The following ARID1B variants were observed in gnomAD, a reference collection of about 807,000 sequenced individuals.
ARID1B encodes the protein AT-rich interactive domain-containing protein 1B.
In ARID1B, 30 loss-of-function variants were observed where a neutral mutation model predicts 212.3. The ratio of observed to expected loss-of-function variants is 0.14; its 90% CI spans 0.11 to 0.19. The LOEUF is 0.19. Ranked by LOEUF, ARID1B falls within the 10% of genes least tolerant of loss-of-function variation. The pLI, the probability that ARID1B is intolerant of heterozygous loss-of-function variation, is 1.00. For missense variants in ARID1B, 2,891 were observed against 3,204.0 expected (o/e 0.90, Z 2.36); for synonymous variants, 1,402 against 1,301.7 (o/e 1.08, Z -1.66).
intron 2 of ARID1B, among the ~76,000 whole-genome samples, chr6:156,901,120 T>G (rs991637449): frequency 5.9e-5 from 9 of 152,182 alleles, no homozygotes; most frequent in African/African-American, 2.2e-4. Flanking sequence ...CCTCTCCACC[T>G]TTATGATATT....
At chr6:157,142,124 C>T (rs1789403448) in intron 7 of ARID1B, among the ~76,000 whole-genome samples, 1 of 152,190 alleles carries the variant, frequency 6.6e-6, no homozygotes, top group Non-Finnish European at 1.5e-5. Context: ...AAAGCCTATA[C>T]TGTGTGACTC....
At chr6:157,152,034 A>G (rs933965848) in intron 8 of ARID1B, 1 of 152,238 alleles carries the variant, frequency 6.6e-6, no homozygotes, top group African/African-American at 2.4e-5. Flanking sequence ...AAACATGGTT[A>G]TTCTTGGGAA....
At chr6:157,020,953 T>C (rs6917637) in intron 4 of ARID1B, among the ~76,000 whole-genome samples, 92,156 of 152,030 alleles carry the variant, frequency 0.61, 29,125 homozygotes, top group African/African-American at 0.79. Flanking sequence ...CTTTGCAGAA[T>C]TCGATAAAGA....
At chr6:156,824,951 GC>G (rs980452315) in intron 1 of ARID1B, among the ~76,000 whole-genome samples, 4 of 151,474 alleles carry the variant, frequency 2.6e-5, no homozygotes, top group Admixed American at 6.6e-5. Flanking sequence ...TGCAACCTCT[GC>G]CTCACAGGTT....
intron 2 of ARID1B, among the ~76,000 whole-genome samples, chr6:156,850,686 A>G (rs1784527379): frequency 6.6e-6 from 1 of 152,196 alleles, no homozygotes; most frequent in African/African-American, 2.4e-5. Flanking sequence ...ATTCTTTCAG[A>G]ATTTCTTCTG....
chr6:157,153,692 C>T (rs111607243), intron 8 of ARID1B, among the ~76,000 whole-genome samples: 2 of 152,208 alleles, frequency 1.3e-5, no homozygotes, highest in Non-Finnish European at 1.5e-5. Flanking sequence ...AGGCTAAACA[C>T]AGGCTTTAAT....
intron 4 of ARID1B, among the ~76,000 whole-genome samples, chr6:157,049,678 A>G (rs901973482): frequency 1.3e-5 from 2 of 152,180 alleles, no homozygotes; most frequent in African/African-American, 2.4e-5. Flanking sequence ...AAATGAATAC[A>G]TATTATTTAT....
Position 157,208,159 on chromosome 6 carries a change from A to G in ARID1B, c.*268A>G. On this transcript the variant is annotated 3_prime_UTR_variant, in exon 20 of 20. Transcript: ENST00000636930. The stretch of plus-strand genomic sequence containing the variant: ...CAAAGTTGCTGTCTAGTGCATTCAA[A>G]GGTCACTTTTTGTTCTTCACAGATC... 9.1e-6 allele frequency: 3 copies of G among 328,000 alleles called. No homozygotes were observed. Among genetic ancestry groups the G allele is most frequent in the Non-Finnish European group, 1.6e-5 (3 of 183,410 alleles). 20.3% of individuals were successfully genotyped at this position (328,000 alleles called of 1,614,324 possible).
rs763236835 is a variant in ARID1B at position 157,167,166 on chromosome 6, C to T, written c.3216C>T (p.Ala1072=). The change falls in exon 9 of 20, where the codon GCC becomes GCT. Residue 1072 remains alanine (A), a synonymous_variant. Transcript: ENST00000636930. The part of the protein sequence containing the change: ...TQAPPYSMAP[A]MVNSSAASVG... ...CGCCGCCCTACAGCATGGCGCCCGC[C>T]ATGGTGAACAGCTCGGCAGGTAACC... The T allele has an allele frequency of 6.2e-7, 1 of 1,608,352 alleles. No homozygotes were observed. The highest frequency in any genetic ancestry group is 8.5e-7 in the Non-Finnish European group (1 of 1,179,816).
At chr6:156,803,115 A>G (rs1049628279) in intron 1 of ARID1B, among the ~76,000 whole-genome samples, 1 of 152,128 alleles carries the variant, frequency 6.6e-6, no homozygotes, top group Non-Finnish European at 1.5e-5. Context: ...TGTAAAGAGT[A>G]TAGGAAATTG....
intron 4 of ARID1B, among the ~76,000 whole-genome samples, chr6:157,034,481 A>G (rs895409971): frequency 3.3e-5 from 5 of 152,244 alleles, no homozygotes; most frequent in Non-Finnish European, 5.9e-5. Context: ...TAATTTATGT[A>G]TAAGAATGAT....
At chr6:156,996,694 T>TA (rs530514561) in intron 4 of ARID1B, among the ~76,000 whole-genome samples, 27 of 152,264 alleles carry the variant, frequency 1.8e-4, no homozygotes, top group African/African-American at 5.3e-4. Flanking sequence ...TCAAGTTTTA[T>TA]AAAAAAAGAA....
intron 4 of ARID1B, among the ~76,000 whole-genome samples, chr6:156,987,504 A>G (rs1777999919): frequency 1.3e-5 from 2 of 151,950 alleles, no homozygotes; most frequent in African/African-American, 4.8e-5. Flanking sequence ...CTAATTTTTT[A>G]TATTTTCAGT....
intron 4 of ARID1B, among the ~76,000 whole-genome samples, chr6:156,996,291 G>A (rs577258692): frequency 6.6e-6 from 1 of 152,162 alleles, no homozygotes. Flanking sequence ...TTCTTTTCCT[G>A]CAGCGAGGTC....
intron 4 of ARID1B, among the ~76,000 whole-genome samples, chr6:157,002,983 C>G (rs985835859): frequency 6.6e-6 from 1 of 152,140 alleles, no homozygotes; most frequent in African/African-American, 2.4e-5. Flanking sequence ...CATGCCAGAG[C>G]ATGGTGTATT....
At chr6:156,911,504 G>T (rs1562479604) in intron 3 of ARID1B, among the ~76,000 whole-genome samples, 1 of 152,002 alleles carries the variant, frequency 6.6e-6, no homozygotes, top group Non-Finnish European at 1.5e-5. Context: ...ATGCATTTCT[G>T]TGTCCTTGTG....
intron 4 of ARID1B, chr6:157,024,304 A>G (rs1019808895): frequency 1.3e-4 from 20 of 152,244 alleles, no homozygotes; most frequent in African/African-American, 4.8e-4. Context: ...CTTACTGCCA[A>G]GTGACAAGTT....
At chr6:156,848,316 AGC>A in intron 2 of ARID1B, among the ~76,000 whole-genome samples, 1 of 152,248 alleles carries the variant, frequency 6.6e-6, no homozygotes, top group African/African-American at 2.4e-5. Flanking sequence ...AAACAACAAC[AGC>A]AAACTGTTAG....
chr6:156,949,724 G>A (rs1016771386), intron 4 of ARID1B, among the ~76,000 whole-genome samples: 2 of 152,188 alleles, frequency 1.3e-5, no homozygotes, highest in Non-Finnish European at 2.9e-5. Flanking sequence ...TTTATTTCAT[G>A]TTCCTCAGTT....
Sources: gnomAD v4.1 joint callset for allele counts (sites outside exome capture counted in the v4.1 genomes callset) on GRCh38, gnomAD v4.1.1 for gene constraint, MANE v1.5 for transcripts, NCBI Gene and HGNC (gene_info 2026-07-23, HGNC 2026-07-21) for gene names.